Variants in PCDHA5 observed in about 807,000 individuals in gnomAD.
PCDHA5 encodes protocadherin alpha-5.
A neutral mutation model predicts 61.6 loss-of-function variants in PCDHA5; 43 were observed. That is an observed-to-expected ratio of 0.70 (90% CI 0.55 to 0.90). PCDHA5 has a LOEUF of 0.90. Among genes scored for constraint, PCDHA5 ranks in the 40% least tolerant of loss-of-function variants. The pLI is 0.00. For missense variants in PCDHA5, 1,298 were observed against 1,222.7 expected (o/e 1.06, Z -0.92); for synonymous variants, 627 against 543.9 (o/e 1.15, Z -2.13).
At position 140,857,447 on chromosome 5, in the gene PCDHA5, A is replaced by G; in HGVS notation, c.2352+33320A>G. On this transcript the variant is annotated intron_variant, in intron 1 of 3. Transcript: ENST00000529859. ...GTACACGGTGTTCGTGAAGGAGAACAACCCGCCAGGCTGCCACATCTTCAC... is the reference window on the plus strand; with the variant it reads ...GTACACGGTGTTCGTGAAGGAGAACGACCCGCCAGGCTGCCACATCTTCAC... 2 of 1,598,502 alleles carry G rather than the reference A, an allele frequency of 1.3e-6. 1 individual carries two copies. The highest frequency in any genetic ancestry group is 1.7e-6 in the Non-Finnish European group (2 of 1,167,850).
chr5:140,898,764 T>A (rs2066960471), intron 1 of PCDHA5, among the ~76,000 whole-genome samples: 1 of 152,192 alleles, frequency 6.6e-6, no homozygotes, highest in Non-Finnish European at 1.5e-5. Context: ...GCATTGAATC[T>A]GTAAATTACC....
intron 1 of PCDHA5, chr5:140,930,104 G>T (rs532818002): frequency 6.6e-6 from 1 of 152,210 alleles, no homozygotes; most frequent in Non-Finnish European, 1.5e-5. Flanking sequence ...ACTGATAGGA[G>T]ATCATATTGT....
At position 140,871,521 on chromosome 5, in the gene PCDHA5, C is replaced by T. The variant is rs1554165698; in HGVS notation, c.2352+47394C>T. 3.2e-6 allele frequency: 5 copies of T among 1,553,236 alleles called. No individual in the cohort carries two copies. In the Admixed American group the frequency reaches 1.0e-4, roughly 31 times the overall value. On this transcript the variant is annotated intron_variant, in intron 1 of 3. Transcript: ENST00000529859. ...TGAGTTTTCTACAGATTCCACCTAT[C>T]AGGAAGTGTATGTGAAATTATTTAA...
intron 1 of PCDHA5, chr5:140,842,737 C>A: frequency 6.3e-7 from 1 of 1,595,052 alleles, no homozygotes; most frequent in Non-Finnish European, 8.6e-7. Flanking sequence ...CGCCGGGCTG[C>A]CACATCTTCA....
Position 140,881,357 on chromosome 5 carries a change from CT to C in PCDHA5, c.2352+57233del, listed in dbSNP as rs1486951603. 3.0e-6 allele frequency: 3 copies of C among 985,228 alleles called. No homozygotes were observed. The African/African-American group carries it at 5.2e-5, about 17-fold the overall frequency. 61.0% of individuals were successfully genotyped at this position (985,228 alleles called of 1,614,324 possible). A position where few individuals can be genotyped will look rare whatever the true frequency, so the allele number is the denominator to read the frequency against. ...CGCCGATTCGGGCTACAATGCGTGG[CT>C]TTCGTATGAATTGCAGCCGGCGGCG... On this transcript the variant is annotated intron_variant, in intron 1 of 3. Coordinates refer to ENST00000529859, the MANE Select transcript of PCDHA5 (RefSeq NM_018908.3).
intron 1 of PCDHA5, among the ~76,000 whole-genome samples, chr5:140,833,087 TAG>T (rs1281254791): frequency 6.6e-6 from 1 of 152,190 alleles, no homozygotes; most frequent in Non-Finnish European, 1.5e-5. Flanking sequence ...CTTTGAGTAC[TAG>T]ACGAGTAATT....
intron 1 of PCDHA5, among the ~76,000 whole-genome samples, chr5:140,945,769 T>C (rs1358082978): frequency 1.3e-5 from 2 of 152,036 alleles, no homozygotes; most frequent in Non-Finnish European, 2.9e-5. Flanking sequence ...TGGGACAATT[T>C]GATATCCAGA....
intron 1 of PCDHA5, chr5:140,836,731 C>T (rs2150268895): frequency 1.2e-6 from 2 of 1,609,678 alleles, no homozygotes; most frequent in Middle Eastern, 1.6e-4. Context: ...CCATCCTCTA[C>T]AGACAATGTG....
At chr5:140,831,135 G>C (rs1269683904) in intron 1 of PCDHA5, 5 of 152,252 alleles carry the variant, frequency 3.3e-5, no homozygotes, top group Admixed American at 3.3e-4. Context: ...TATGGTTATT[G>C]ATTTATTTAC....
intron 2 of PCDHA5, among the ~76,000 whole-genome samples, chr5:140,981,152 C>T (rs1340087244): frequency 6.6e-6 from 1 of 152,210 alleles, no homozygotes; most frequent in African/African-American, 2.4e-5. Flanking sequence ...AAACATTGAA[C>T]TTATATGTTG....
At chr5:140,992,282 TG>T (rs1554252798) in intron 3 of PCDHA5, among the ~76,000 whole-genome samples, 1 of 152,178 alleles carries the variant, frequency 6.6e-6, no homozygotes, top group African/African-American at 2.4e-5. Context: ...AGCACATCCC[TG>T]CAAAGGATGG....
intron 1 of PCDHA5, chr5:140,842,739 A>G: frequency 6.3e-7 from 1 of 1,595,048 alleles, no homozygotes; most frequent in South Asian, 1.1e-5. Context: ...CCGGGCTGCC[A>G]CATCTTCACG....
chr5:140,861,316 C>T (rs1554154495), intron 1 of PCDHA5: 4 of 215,598 alleles, frequency 1.9e-5, no homozygotes, highest in African/African-American at 9.3e-5. Context: ...AGGACCAGTT[C>T]CACTACACCA....
intron 1 of PCDHA5, among the ~76,000 whole-genome samples, chr5:140,963,211 G>A (rs185560728): frequency 0.016 from 2,496 of 152,042 alleles, 69 homozygotes; most frequent in African/African-American, 0.056. Flanking sequence ...AAAAAACCTC[G>A]TGTTTAGAGT....
chr5:140,908,846 T>C (rs2074185614), intron 1 of PCDHA5, among the ~76,000 whole-genome samples: 1 of 152,176 alleles, frequency 6.6e-6, no homozygotes, highest in South Asian at 2.1e-4. Context: ...TGGAGTAACA[T>C]ACCCAAATGA....
intron 1 of PCDHA5, among the ~76,000 whole-genome samples, chr5:140,954,580 T>C (rs1193569920): frequency 1.3e-5 from 2 of 152,174 alleles, no homozygotes; most frequent in African/African-American, 4.8e-5. Flanking sequence ...TTTTCAGAAG[T>C]GTCTGTTCAT....
chr5:140,965,976 G>A (rs2095953776), intron 1 of PCDHA5, among the ~76,000 whole-genome samples: 1 of 152,154 alleles, frequency 6.6e-6, no homozygotes, highest in Non-Finnish European at 1.5e-5. Context: ...CCTAGGAGTT[G>A]AGCACTTTCT....
chr5:140,927,624 G>A (rs1554204821), intron 1 of PCDHA5: 3 of 1,614,212 alleles, frequency 1.9e-6, no homozygotes, highest in Non-Finnish European at 2.5e-6. Context: ...AGGTTCCAGA[G>A]ACTGCACCCA....
intron 1 of PCDHA5, among the ~76,000 whole-genome samples, chr5:140,846,965 G>T (rs1780782789): frequency 6.7e-6 from 1 of 149,528 alleles, no homozygotes; most frequent in South Asian, 2.1e-4. Flanking sequence ...TGTTTCAGTG[G>T]TTTTAAAATA....
Sources: allele counts gnomAD v4.1 joint callset (sites outside exome capture counted in the v4.1 genomes callset), GRCh38; gene constraint gnomAD v4.1.1; transcripts MANE v1.5; gene names NCBI Gene and HGNC (gene_info 2026-07-23, HGNC 2026-07-21).